The following ITGA1 variants were observed in gnomAD, a reference collection of about 807,000 sequenced individuals.
ITGA1 encodes integrin alpha-1.
A neutral mutation model predicts 145.9 loss-of-function variants in ITGA1; 85 were observed. That is an observed-to-expected ratio of 0.58 (90% confidence interval 0.49 to 0.70). ITGA1 has a LOEUF of 0.70. Ranked by LOEUF, ITGA1 falls within the 30% of genes least tolerant of loss-of-function variation. The probability of loss-of-function intolerance (pLI) is 0.00; values close to 1 mark genes in which losing one functional copy is unlikely to be tolerated. For missense variants in ITGA1, 1,351 were observed against 1,418.7 expected (o/e 0.95, Z 0.77); for synonymous variants, 520 against 495.3 (o/e 1.05, Z -0.66).
At chr5:52,809,630 C>A (rs1748653374) in intron 1 of ITGA1, among the ~76,000 whole-genome samples, 1 of 151,756 alleles carries the variant, frequency 6.6e-6, no homozygotes, top group South Asian at 2.1e-4. Context: ...TCACCCTCCC[C>A]AGTAGCTGGG....
intron 21 of ITGA1, 195 bp from the exon 22 acceptor site, chr5:52,931,852 A>G (rs754604517): frequency 2.2e-6 from 1 of 452,826 alleles, no homozygotes; most frequent in African/African-American, 2.0e-5. Flanking sequence ...GCACATCAGA[A>G]TCAACTTGGG....
At chr5:52,892,136 G>A (rs1655900867) in intron 8 of ITGA1, among the ~76,000 whole-genome samples, 1 of 151,936 alleles carries the variant, frequency 6.6e-6, no homozygotes. Context: ...CACATTTAAG[G>A]GAAAATAAAC....
intron 1 of ITGA1, among the ~76,000 whole-genome samples, chr5:52,797,755 T>C (rs1748373740): frequency 6.6e-6 from 1 of 152,186 alleles, no homozygotes; most frequent in African/African-American, 2.4e-5. Context: ...CTTGAAAACA[T>C]TTCTTAACTT....
intron 1 of ITGA1, among the ~76,000 whole-genome samples, chr5:52,796,083 C>T (rs1233783563): frequency 6.6e-6 from 1 of 151,960 alleles, no homozygotes; most frequent in African/African-American, 2.4e-5. Flanking sequence ...AAAAATATTA[C>T]TGCAGCATAA....
rs946906582 is a variant in ITGA1 at position 52,954,820 on chromosome 5, C to T, written c.*2369C>T. On this transcript the variant is annotated 3_prime_UTR_variant, in exon 29 of 29. Coordinates refer to ENST00000282588, the MANE Select transcript of ITGA1 (RefSeq NM_181501.2). ...TATTTAGGTTTAACTTATAGTTCTG[C>T]AATTATTTAAAAAACAAGTACAGAG... The T allele has an allele frequency of 6.6e-6, 1 of 151,844 alleles. No individual in the cohort carries two copies. The highest frequency in any genetic ancestry group is 2.4e-5 in the African/African-American group (1 of 41,334). The allele number at this position is 151,844 out of a possible 1,614,324, so 9.4% of individuals were successfully genotyped here.
Position 52,958,146 on chromosome 5 carries a change from G to T in ITGA1, c.*5695G>T, listed in dbSNP as rs1210604059. The T allele has an allele frequency of 1.3e-5, 2 of 152,170 alleles. No homozygotes were observed. Among genetic ancestry groups the T allele is most frequent in the African/African-American group, 4.8e-5 (2 of 41,434 alleles). 9.4% of individuals were successfully genotyped at this position (152,170 alleles called of 1,614,324 possible). ...CTTTCCTCTACAGAATAGCTGTGCA[G>T]AAGGGGACCACCACACTTAGGACCA... On this transcript the variant is annotated 3_prime_UTR_variant, in exon 29 of 29. Coordinates refer to ENST00000282588, the MANE Select transcript of ITGA1 (RefSeq NM_181501.2).
Position 52,887,875 on chromosome 5 carries a change from T to G in ITGA1, c.834T>G (p.Ile278Met). ...ARRGVKKVMV[I>M]VTDGESHDNH... is the part of the protein sequence containing the mutation. ...GAGGAGTTAAAAAAGTCATGGTTAT[T>G]GTGACAGATGGAGAGTCTCATGACA... is the stretch of plus-strand genomic sequence containing the variant. The change falls in exon 8 of 29, where the codon ATT (isoleucine) becomes ATG (methionine). Residue 278 changes from isoleucine (I) to methionine (M), a missense_variant. Transcript: ENST00000282588. The G allele has an allele frequency of 6.2e-7, 1 of 1,614,062 alleles. No homozygotes were observed. Among genetic ancestry groups the G allele is most frequent in the Non-Finnish European group, 8.5e-7 (1 of 1,179,920 alleles).
intron 26 of ITGA1, among the ~76,000 whole-genome samples, chr5:52,942,381 A>G (rs1751066188): frequency 6.6e-6 from 1 of 152,174 alleles, no homozygotes; most frequent in Non-Finnish European, 1.5e-5. Flanking sequence ...TGGCCATTTA[A>G]TGATATTAAA....
intron 6 of ITGA1, among the ~76,000 whole-genome samples, chr5:52,877,932 G>A (rs1316910223): frequency 6.6e-6 from 1 of 152,180 alleles, no homozygotes; most frequent in Non-Finnish European, 1.5e-5. Flanking sequence ...TCACATGATA[G>A]TGATATATTT....
intron 1 of ITGA1, among the ~76,000 whole-genome samples, chr5:52,797,764 T>G (rs1748373807): frequency 6.6e-6 from 1 of 152,202 alleles, no homozygotes; most frequent in Non-Finnish European, 1.5e-5. Flanking sequence ...ATTTCTTAAC[T>G]TCCCCATAGT....
chr5:52,824,613 T>A (rs957055649), intron 1 of ITGA1: 1 of 152,182 alleles, frequency 6.6e-6, no homozygotes, highest in Non-Finnish European at 1.5e-5. Flanking sequence ...CTTAATGGGC[T>A]GATAAGTAAC....
intron 6 of ITGA1, among the ~76,000 whole-genome samples, chr5:52,876,449 A>G (rs1281449424): frequency 6.6e-6 from 1 of 152,198 alleles, no homozygotes; most frequent in East Asian, 1.9e-4. Context: ...GGTTCCTAAG[A>G]AAACAAGCAC....
At chr5:52,817,799 TTATAA>T (rs1360220514) in intron 1 of ITGA1, among the ~76,000 whole-genome samples, 7 of 152,234 alleles carry the variant, frequency 4.6e-5, no homozygotes, top group South Asian at 2.1e-4. Flanking sequence ...CATATGCAAA[TTATAA>T]TATACATATT....
intron 6 of ITGA1, among the ~76,000 whole-genome samples, chr5:52,879,558 G>C (rs1749921723): frequency 6.6e-6 from 1 of 151,672 alleles, no homozygotes; most frequent in Admixed American, 6.6e-5. Context: ...AAAACTTTAG[G>C]GTCATTGAAG....
Position 52,865,021 on chromosome 5 carries a change from T to G in ITGA1, c.435T>G (p.Thr145=), listed in dbSNP as rs142518192. 5 of 1,613,932 alleles carry G rather than the reference T, an allele frequency of 3.1e-6. No individual in the cohort carries two copies. The Admixed American group carries it at 6.7e-5, about 22-fold the overall frequency. The change falls in exon 5 of 29, where the codon ACT becomes ACG. Residue 145 remains threonine, a synonymous_variant. Coordinates refer to ENST00000282588, the MANE Select transcript of ITGA1 (RefSeq NM_181501.2). ...GATGTGGACATTTGCATTACACAACTGGAATCTGTTCTGACGTCAGCCCCA... is the reference window on the plus strand; with the variant it reads ...GATGTGGACATTTGCATTACACAACGGGAATCTGTTCTGACGTCAGCCCCA... ...AYRCGHLHYT[T]GICSDVSPTF... is the part of the protein sequence containing the mutation.
chr5:52,835,174 GA>G (rs1333835574), intron 1 of ITGA1, among the ~76,000 whole-genome samples: 2 of 151,924 alleles, frequency 1.3e-5, no homozygotes, highest in Non-Finnish European at 2.9e-5. Flanking sequence ...TATTACTAAT[GA>G]AAAAAACGGA....
intron 1 of ITGA1, among the ~76,000 whole-genome samples, chr5:52,806,787 GTTTTAA>G: frequency 6.6e-6 from 1 of 152,270 alleles, no homozygotes; most frequent in East Asian, 1.9e-4. Flanking sequence ...TATTATGAAT[GTTTTAA>G]TTTAAATTGA....
At chr5:52,859,244 T>A (rs1749562238) in intron 2 of ITGA1, among the ~76,000 whole-genome samples, 1 of 152,198 alleles carries the variant, frequency 6.6e-6, no homozygotes, top group Non-Finnish European at 1.5e-5. Flanking sequence ...CATCCTACCA[T>A]ACAATGAATG....
chr5:52,843,341 C>T (rs989338517), intron 1 of ITGA1, among the ~76,000 whole-genome samples: 2 of 152,126 alleles, frequency 1.3e-5, no homozygotes, highest in East Asian at 3.8e-4. Flanking sequence ...AAAGCAATAG[C>T]ATTTTAATAC....
Sources: gnomAD v4.1 joint callset for allele counts (sites outside exome capture counted in the v4.1 genomes callset) on GRCh38, gnomAD v4.1.1 for gene constraint, MANE v1.5 for transcripts, NCBI Gene and HGNC (gene_info 2026-07-23, HGNC 2026-07-21) for gene names.